The following RSRC1 variants were observed in gnomAD, a reference collection of about 807,000 sequenced individuals.
RSRC1 encodes serine/Arginine-related protein 53.
A neutral mutation model predicts 49.1 loss-of-function variants in RSRC1; 39 were observed. The observed-to-expected ratio is 0.79, with a 90% CI of 0.61 to 1.04. The LOEUF (loss-of-function observed/expected upper bound fraction) is 1.04. Ranked by LOEUF, RSRC1 falls within the 50% of genes least tolerant of loss-of-function variation. The pLI is 0.00. For synonymous variants in RSRC1, 143 were observed against 130.8 expected (o/e 1.09, Z -0.63); for missense variants, 388 against 402.4 (o/e 0.96, Z 0.31).
At chr3:158,266,477 ATATT>A (rs1478644914) in intron 4 of RSRC1, among the ~76,000 whole-genome samples, 7 of 152,128 alleles carry the variant, frequency 4.6e-5, no homozygotes, top group Admixed American at 4.6e-4. Context: ...CTTTTGAAAT[ATATT>A]TATTTATTTT....
intron 2 of RSRC1, among the ~76,000 whole-genome samples, chr3:158,122,984 G>A (rs866800200): frequency 2.2e-4 from 33 of 152,224 alleles, no homozygotes; most frequent in South Asian, 4.1e-4. Flanking sequence ...TGTCATTGAT[G>A]GACATTTGAG....
intron 4 of RSRC1, among the ~76,000 whole-genome samples, chr3:158,285,682 G>A (rs1033511955): frequency 6.6e-6 from 1 of 151,944 alleles, no homozygotes. Context: ...CTCATGATTT[G>A]GCTCTCTGTT....
chr3:158,219,907 A>C (rs1477358028), intron 4 of RSRC1, among the ~76,000 whole-genome samples: 1 of 151,642 alleles, frequency 6.6e-6, no homozygotes, highest in Non-Finnish European at 1.5e-5. Context: ...ATGGAAGAGA[A>C]TGAAAATCAA....
intron 6 of RSRC1, among the ~76,000 whole-genome samples, chr3:158,428,428 T>G (rs993012106): frequency 6.6e-6 from 1 of 151,860 alleles, no homozygotes; most frequent in African/African-American, 2.4e-5. Context: ...ACAACCTGAC[T>G]CTGCATCCTG....
chr3:158,384,875 G>T (rs1339841814), intron 6 of RSRC1, among the ~76,000 whole-genome samples: 1 of 152,014 alleles, frequency 6.6e-6, no homozygotes, highest in African/African-American at 2.4e-5. Flanking sequence ...AGCAGGTCAG[G>T]GTGGAGGAGG....
At chr3:158,517,286 T>C (rs1056857574) in intron 7 of RSRC1, among the ~76,000 whole-genome samples, 3 of 152,240 alleles carry the variant, frequency 2.0e-5, no homozygotes, top group Non-Finnish European at 2.9e-5. Flanking sequence ...TTGGGTTTTC[T>C]ATAAATACAA....
intron 3 of RSRC1, among the ~76,000 whole-genome samples, chr3:158,138,963 C>T (rs183513896): frequency 0.014 from 2,077 of 152,194 alleles, 23 homozygotes; most frequent in Middle Eastern, 0.031. Context: ...GTCTATGTTT[C>T]ACTCATTGTT....
chr3:158,380,228 C>A (rs1351178581), intron 6 of RSRC1, among the ~76,000 whole-genome samples: 2 of 152,086 alleles, frequency 1.3e-5, no homozygotes, highest in African/African-American at 4.8e-5. Flanking sequence ...TCATGAATTT[C>A]AAAAATGTAA....
At chr3:158,323,413 T>A (rs1452437320) in intron 5 of RSRC1, among the ~76,000 whole-genome samples, 1 of 152,168 alleles carries the variant, frequency 6.6e-6, no homozygotes, top group Non-Finnish European at 1.5e-5. Flanking sequence ...GTGGAGCAAA[T>A]TCACAATTCT....
chr3:158,417,053 T>A (rs1734774541), intron 6 of RSRC1, among the ~76,000 whole-genome samples: 1 of 152,042 alleles, frequency 6.6e-6, no homozygotes, highest in African/African-American at 2.4e-5. Context: ...ATTGTCTTAT[T>A]TTATATAGAG....
At chr3:158,180,961 C>G (rs555138087) in intron 3 of RSRC1, among the ~76,000 whole-genome samples, 5 of 151,924 alleles carry the variant, frequency 3.3e-5, no homozygotes, top group African/African-American at 9.7e-5. Flanking sequence ...CCCACCACCA[C>G]GCCCGGCTAA....
chr3:158,383,476 G>A (rs1242650147), intron 6 of RSRC1, among the ~76,000 whole-genome samples: 1 of 151,936 alleles, frequency 6.6e-6, no homozygotes, highest in Admixed American at 6.6e-5. Context: ...AGAAAAGGAG[G>A]CAGGGCTGTA....
chr3:158,346,990 T>C (rs1397825447), intron 5 of RSRC1, among the ~76,000 whole-genome samples: 1 of 152,204 alleles, frequency 6.6e-6, no homozygotes, highest in Non-Finnish European at 1.5e-5. Context: ...ACTAATTGTG[T>C]GCTGAATTTA....
chr3:158,186,806 A>G (rs990879296), intron 3 of RSRC1, among the ~76,000 whole-genome samples: 2 of 151,826 alleles, frequency 1.3e-5, no homozygotes, highest in Non-Finnish European at 1.5e-5. Context: ...CTTCTTCCCA[A>G]TTCTACCTTT....
chr3:158,335,753 T>G (rs1180852599), intron 5 of RSRC1, among the ~76,000 whole-genome samples: 1 of 152,212 alleles, frequency 6.6e-6, no homozygotes, highest in Non-Finnish European at 1.5e-5. Flanking sequence ...ATTCTGCCAC[T>G]TGGAGCCATA....
intron 6 of RSRC1, among the ~76,000 whole-genome samples, chr3:158,455,725 A>G (rs1159967756): frequency 6.6e-6 from 1 of 152,052 alleles, no homozygotes; most frequent in Non-Finnish European, 1.5e-5. Flanking sequence ...TACGCCTGTA[A>G]TCCCAGCACT....
chr3:158,356,911 G>A (rs1299918589), intron 6 of RSRC1, among the ~76,000 whole-genome samples: 1 of 152,082 alleles, frequency 6.6e-6, no homozygotes, highest in African/African-American at 2.4e-5. Context: ...ACCTCACAGT[G>A]TATAACTTGC....
intron 5 of RSRC1, among the ~76,000 whole-genome samples, chr3:158,329,340 G>A (rs1347647474): frequency 6.6e-6 from 1 of 152,130 alleles, no homozygotes; most frequent in East Asian, 1.9e-4. Context: ...CTGCTTTTCT[G>A]CTCTGTTTTT....
chr3:158,345,844 A>AAT (rs536526492), intron 5 of RSRC1, among the ~76,000 whole-genome samples: 1 of 148,234 alleles, frequency 6.7e-6, no homozygotes. Context: ...AATAAACAAT[A>AAT]ATATATATAT....
Sources: allele counts gnomAD v4.1 joint callset (sites outside exome capture counted in the v4.1 genomes callset), GRCh38; gene constraint gnomAD v4.1.1; transcripts MANE v1.5; gene names NCBI Gene and HGNC (gene_info 2026-07-23, HGNC 2026-07-21).